Variants in DACH1 observed in about 807,000 individuals in gnomAD.
DACH1 encodes the protein dachshund family transcription factor 1, also known as dachshund homolog 1.
Under a neutral mutation model 54.2 loss-of-function variants are expected in DACH1, and 12 were observed. The observed-to-expected ratio is 0.22, with a 90% CI of 0.14 to 0.36. The LOEUF (loss-of-function observed/expected upper bound fraction) is 0.36. DACH1 is among the 10% of genes least tolerant of loss of function. The pLI, the probability that DACH1 is intolerant of heterozygous loss-of-function variation, is 1.00. For missense variants in DACH1, 805 were observed against 929.8 expected (o/e 0.87, Z 1.75); for synonymous variants, 386 against 366.2 (o/e 1.05, Z -0.62).
intron 1 of DACH1, among the ~76,000 whole-genome samples, chr13:71,815,394 C>CA (rs1260937260): frequency 2.0e-5 from 3 of 152,056 alleles, no homozygotes; most frequent in Non-Finnish European, 4.4e-5. Context: ...TTACCATTGC[C>CA]TAAAATAACA....
At chr13:71,863,561 T>A (rs1461032082) in intron 1 of DACH1, among the ~76,000 whole-genome samples, 1 of 152,206 alleles carries the variant, frequency 6.6e-6, no homozygotes, top group Non-Finnish European at 1.5e-5. Flanking sequence ...TCCACTGGAT[T>A]TAACTTATCT....
chr13:71,597,462 GC>G (rs907663778), intron 3 of DACH1, among the ~76,000 whole-genome samples: 16 of 152,044 alleles, frequency 1.1e-4, no homozygotes, highest in African/African-American at 3.9e-4. Flanking sequence ...CTACCATTTG[GC>G]CCAAGGGCTT....
chr13:71,479,735 T>G (rs2138183335), intron 7 of DACH1, among the ~76,000 whole-genome samples: 1 of 152,278 alleles, frequency 6.6e-6, no homozygotes, highest in East Asian at 1.9e-4. Context: ...AGTGCTCACC[T>G]TTCTCCTCAG....
intron 3 of DACH1, among the ~76,000 whole-genome samples, chr13:71,579,493 G>A (rs1007488586): frequency 6.6e-6 from 1 of 152,008 alleles, no homozygotes; most frequent in Non-Finnish European, 1.5e-5. Flanking sequence ...AAGATGAAAC[G>A]ATACTTAATG....
At chr13:71,845,857 C>T (rs1291563470) in intron 1 of DACH1, 5 of 152,172 alleles carry the variant, frequency 3.3e-5, no homozygotes, top group African/African-American at 1.2e-4. Context: ...ATGACCTTAT[C>T]GGTACTGCTT....
intron 3 of DACH1, among the ~76,000 whole-genome samples, chr13:71,603,998 T>C (rs1023383401): frequency 5.9e-5 from 9 of 151,824 alleles, no homozygotes; most frequent in Non-Finnish European, 8.8e-5. Flanking sequence ...ATCTAATTAG[T>C]CTCCTAGTTT....
chr13:71,460,165 C>T (rs1875947514), intron 10 of DACH1, among the ~76,000 whole-genome samples: 2 of 152,046 alleles, frequency 1.3e-5, no homozygotes, highest in African/African-American at 4.8e-5. Context: ...AATATTTACA[C>T]ATTAGTTTAG....
chr13:71,718,575 G>GGA (rs34759074), intron 1 of DACH1, among the ~76,000 whole-genome samples: 133 of 134,044 alleles, frequency 9.9e-4, no homozygotes, highest in African/African-American at 3.6e-3. Flanking sequence ...GACCATATCT[G>GGA]AAAAAAAAAA....
At chr13:71,528,514 G>A (rs1775822649) in intron 6 of DACH1, among the ~76,000 whole-genome samples, 2 of 132,702 alleles carry the variant, frequency 1.5e-5, no homozygotes, top group African/African-American at 2.8e-5. Flanking sequence ...TTCAAGCTCC[G>A]CCTCCCGGGT....
chr13:71,841,796 C>A (rs1049701000), intron 1 of DACH1, among the ~76,000 whole-genome samples: 7 of 152,260 alleles, frequency 4.6e-5, no homozygotes, highest in African/African-American at 1.7e-4. Context: ...AGTCCTAATT[C>A]TTGACTCTTA....
At chr13:71,702,135 G>C (rs2138752897) in intron 1 of DACH1, among the ~76,000 whole-genome samples, 1 of 152,132 alleles carries the variant, frequency 6.6e-6, no homozygotes, top group East Asian at 1.9e-4. Context: ...CAAGTCACAA[G>C]AAATGTATAC....
At chr13:71,650,011 T>C (rs1360904645) in intron 2 of DACH1, among the ~76,000 whole-genome samples, 2 of 152,164 alleles carry the variant, frequency 1.3e-5, no homozygotes, top group Non-Finnish European at 2.9e-5. Flanking sequence ...GGCCAAGCAC[T>C]TTGACCTTTA....
In DACH1 at chr13:71,565,456, A is replaced by G. The variant is rs1048983378; in HGVS notation, c.1300-5501T>C. 2.6e-5 allele frequency among the ~76,000 whole-genome samples: 4 copies of G among 152,276 alleles called. No homozygotes were observed. The South Asian group carries it at 8.3e-4, about 32-fold the overall frequency. Reference sequence around the variant, plus strand: ...CTGGTAAATGTTGTTAGTGAAATGCAACATCATTGACACTAAGAGTGGTGT... The same window carrying G: ...CTGGTAAATGTTGTTAGTGAAATGCGACATCATTGACACTAAGAGTGGTGT... On this transcript the variant is annotated intron_variant, in intron 4 of 10. Coordinates refer to ENST00000613252, the MANE Select transcript of DACH1 (RefSeq NM_080759.6).
chr13:71,686,072 T>G (rs974027617), intron 1 of DACH1, among the ~76,000 whole-genome samples: 1 of 152,178 alleles, frequency 6.6e-6, no homozygotes, highest in African/African-American at 2.4e-5. Flanking sequence ...CCCATTTCTA[T>G]CCCAGAGGAT....
At chr13:71,631,851 C>A (rs1877125211) in intron 2 of DACH1, among the ~76,000 whole-genome samples, 1 of 152,130 alleles carries the variant, frequency 6.6e-6, no homozygotes, top group Non-Finnish European at 1.5e-5. Context: ...ATAATCCCAG[C>A]ACTTTGGGAG....
chr13:71,760,462 T>G (rs958997537), intron 1 of DACH1, among the ~76,000 whole-genome samples: 1 of 152,208 alleles, frequency 6.6e-6, no homozygotes, highest in Admixed American at 6.5e-5. Flanking sequence ...CCTATTACAC[T>G]GAAAGCTCCA....
chr13:71,678,640 C>G (rs1322643486), intron 2 of DACH1, among the ~76,000 whole-genome samples: 1 of 149,948 alleles, frequency 6.7e-6, no homozygotes, highest in Non-Finnish European at 1.5e-5. Flanking sequence ...TTTTTTCTTC[C>G]TTTCTCTCTC....
In DACH1 at chr13:71,479,218, T is replaced by C; in HGVS notation, c.1821A>G (p.Glu607=). ...ELKMDFLRER[E]LRETLEKQLA... Reference sequence around the variant, plus strand: ...ACTGCTTCTCAAGTGTTTCCCTTAGTTCTCTTTCCCTTAAAAAATCCATCT... The same window carrying C: ...ACTGCTTCTCAAGTGTTTCCCTTAGCTCTCTTTCCCTTAAAAAATCCATCT... The change falls in exon 8 of 11, where the codon GAA becomes GAG. Residue 607 remains glutamate (E), a synonymous_variant. Coordinates refer to ENST00000613252, the MANE Select transcript of DACH1 (RefSeq NM_080759.6). The C allele has an allele frequency of 6.2e-7, 1 of 1,613,866 alleles. No individual in the cohort carries two copies. Among genetic ancestry groups the C allele is most frequent in the Non-Finnish European group, 8.5e-7 (1 of 1,179,898 alleles).
intron 1 of DACH1, among the ~76,000 whole-genome samples, chr13:71,810,276 C>T (rs1887662105): frequency 6.6e-6 from 1 of 152,012 alleles, no homozygotes; most frequent in African/African-American, 2.4e-5. Context: ...ATGAATGAGG[C>T]CAAGAGTTGA....
Sources: allele counts gnomAD v4.1 joint callset (sites outside exome capture counted in the v4.1 genomes callset), GRCh38; gene constraint gnomAD v4.1.1; transcripts MANE v1.5; gene names NCBI Gene and HGNC (gene_info 2026-07-23, HGNC 2026-07-21).